The following SMURF2 variants were observed in gnomAD, a reference collection of about 807,000 sequenced individuals.
SMURF2 encodes the protein E3 ubiquitin-protein ligase SMURF2.
In SMURF2, 48 loss-of-function variants were observed where a neutral mutation model predicts 109.6. The observed-to-expected ratio is 0.44, with a 90% CI of 0.35 to 0.56. The LOEUF is 0.56. Ranked by LOEUF, SMURF2 falls within the 20% of genes least tolerant of loss-of-function variation. SMURF2 has a pLI of 0.01. For missense variants in SMURF2, 575 were observed against 909.0 expected, an observed-to-expected ratio of 0.63 and a Z score of 4.72; for synonymous variants, 288 against 317.1, an observed-to-expected ratio of 0.91 and a Z score of 0.97.
At chr17:64,616,217 T>C (rs1418556104) in intron 1 of SMURF2, among the ~76,000 whole-genome samples, 1 of 152,162 alleles carries the variant, frequency 6.6e-6, no homozygotes, top group Non-Finnish European at 1.5e-5. Flanking sequence ...AATATAAACA[T>C]ATTGGATAAC....
chr17:64,552,867 CT>C (rs1969065432), intron 15 of SMURF2, among the ~76,000 whole-genome samples: 1 of 152,052 alleles, frequency 6.6e-6, no homozygotes, highest in Non-Finnish European at 1.5e-5. Flanking sequence ...ACACGCTTAG[CT>C]AATTTTTGTA....
At chr17:64,650,347 GT>G (rs375725722) in intron 1 of SMURF2, among the ~76,000 whole-genome samples, 7,508 of 137,564 alleles carry the variant, frequency 0.055, 300 homozygotes, top group Admixed American at 0.15. Context: ...TTTGTTTTTT[GT>G]TTTTTTTTTT....
chr17:64,566,103 GA>G (rs1225392333), intron 10 of SMURF2, among the ~76,000 whole-genome samples: 7 of 150,788 alleles, frequency 4.6e-5, no homozygotes, highest in Non-Finnish European at 1.0e-4. Flanking sequence ...CTTGTCTAAA[GA>G]AAAACCCCCC....
chr17:64,614,844 T>A (rs1555689967), intron 1 of SMURF2, among the ~76,000 whole-genome samples: 1 of 152,216 alleles, frequency 6.6e-6, no homozygotes. Flanking sequence ...AGCTCACAGG[T>A]CAGGTATAAT....
At chr17:64,580,711 TCAAAA>T in intron 8 of SMURF2, 73 bp downstream of exon 8, 1 of 1,416,042 alleles carries the variant, frequency 7.1e-7, no homozygotes, top group Admixed American at 1.8e-5. Flanking sequence ...AATAACTTTT[TCAAAA>T]TATATTTTCT....
Position 64,543,674 on chromosome 17 carries a change from A to T in SMURF2, c.*2174T>A, listed in dbSNP as rs1555682833. 1.3e-5 allele frequency: 2 copies of T among 152,246 alleles called. No homozygotes were observed. Among genetic ancestry groups the T allele is most frequent in the African/African-American group, 4.8e-5 (2 of 41,472 alleles). 9.4% of individuals were successfully genotyped at this position (152,246 alleles called of 1,614,324 possible). A position where few individuals can be genotyped will look rare whatever the true frequency, so the allele number is the denominator to read the frequency against. On this transcript the variant is annotated 3_prime_UTR_variant, in exon 19 of 19. Coordinates refer to ENST00000262435, the MANE Select transcript of SMURF2 (RefSeq NM_022739.4). Reference sequence around the variant, plus strand: ...CTGCTTTATATTGTATATTAAAATAAGTGATAGTAGCATTTCATTATTACT... The same window carrying T: ...CTGCTTTATATTGTATATTAAAATATGTGATAGTAGCATTTCATTATTACT...
rs1351369741 is a variant in SMURF2 at position 64,610,490 on chromosome 17, A to G, written c.53-3850T>C. Among the ~76,000 whole-genome samples the G allele has an allele frequency of 2.0e-5, 3 of 152,218 alleles. No individual in the cohort carries two copies. The East Asian group carries it at 5.8e-4, about 29-fold the overall frequency. On this transcript the variant is annotated intron_variant, in intron 1 of 18. Coordinates refer to ENST00000262435, the MANE Select transcript of SMURF2 (RefSeq NM_022739.4). ...GATGAGGCCGGAAAGCATCATTCTC[A>G]GCAAACTAACACAAGAACAGAAAAC...
intron 1 of SMURF2, among the ~76,000 whole-genome samples, chr17:64,655,469 G>A (rs1195438908): frequency 2.0e-5 from 3 of 151,480 alleles, no homozygotes; most frequent in African/African-American, 7.3e-5. Context: ...TGTTGGCCAG[G>A]CTGGTCTCAA....
intron 5 of SMURF2, 79 bp from the exon 6 acceptor site, chr17:64,586,249 G>T: frequency 2.3e-6 from 2 of 869,362 alleles, no homozygotes; most frequent in Non-Finnish European, 3.6e-6. Context: ...ATCTTCAGAA[G>T]ACATCTGACT....
intron 9 of SMURF2, among the ~76,000 whole-genome samples, chr17:64,572,258 T>C (rs1455096804): frequency 2.6e-5 from 4 of 152,236 alleles, no homozygotes; most frequent in Non-Finnish European, 4.4e-5. Flanking sequence ...CAACATAAAC[T>C]GTATTTCAAC....
At chr17:64,620,116 A>ATC (rs1386253017) in intron 1 of SMURF2, among the ~76,000 whole-genome samples, 1 of 152,126 alleles carries the variant, frequency 6.6e-6, no homozygotes, top group African/African-American at 2.4e-5. Flanking sequence ...CAATGTCTTT[A>ATC]TCTCTCTTCC....
chr17:64,639,550 C>T (rs1190188118), intron 1 of SMURF2, among the ~76,000 whole-genome samples: 1 of 151,928 alleles, frequency 6.6e-6, no homozygotes, highest in Non-Finnish European at 1.5e-5. Flanking sequence ...GCACTCCAGT[C>T]TGGGCGACAG....
intron 16 of SMURF2, 113 bp downstream of exon 16, chr17:64,551,471 A>T: frequency 8.4e-7 from 1 of 1,189,732 alleles, no homozygotes; most frequent in Non-Finnish European, 1.2e-6. Flanking sequence ...TCAAGCATAG[A>T]ACCATGAAAC....
At chr17:64,621,751 G>A (rs1970205702) in intron 1 of SMURF2, among the ~76,000 whole-genome samples, 1 of 151,608 alleles carries the variant, frequency 6.6e-6, no homozygotes, top group South Asian at 2.1e-4. Context: ...GCACGTGCCT[G>A]TAATTCCAGC....
intron 1 of SMURF2, among the ~76,000 whole-genome samples, chr17:64,632,032 A>G (rs1343421517): frequency 7.8e-6 from 1 of 127,648 alleles, no homozygotes; most frequent in Non-Finnish European, 1.5e-5. Flanking sequence ...ATCTCGGCTC[A>G]CTGCCAACCT....
chr17:64,578,728 G>A (rs1969534982), intron 8 of SMURF2, 152 bp from the exon 9 acceptor site: 1 of 593,756 alleles, frequency 1.7e-6, no homozygotes, highest in South Asian at 2.3e-5. Flanking sequence ...CAAATCATTT[G>A]TTCTGTCTCT....
intron 1 of SMURF2, among the ~76,000 whole-genome samples, chr17:64,610,626 G>A (rs1555689471): frequency 6.6e-6 from 1 of 152,146 alleles, no homozygotes; most frequent in Non-Finnish European, 1.5e-5. Flanking sequence ...GGGTTAGGGA[G>A]GGATAGCATT....
At chr17:64,652,193 C>T (rs1970648595) in intron 1 of SMURF2, among the ~76,000 whole-genome samples, 1 of 152,046 alleles carries the variant, frequency 6.6e-6, no homozygotes, top group South Asian at 2.1e-4. Context: ...ACTACAGGGC[C>T]CAATCTAGGC....
chr17:64,578,050 G>A (rs145262989), intron 9 of SMURF2, among the ~76,000 whole-genome samples: 2,859 of 150,504 alleles, frequency 0.019, 36 homozygotes, highest in South Asian at 0.062. Flanking sequence ...GGGTTCAAGC[G>A]ATTCCCTGCC....
Sources: allele counts gnomAD v4.1 joint callset (sites outside exome capture counted in the v4.1 genomes callset), GRCh38; gene constraint gnomAD v4.1.1; transcripts MANE v1.5; gene names NCBI Gene and HGNC (gene_info 2026-07-23, HGNC 2026-07-21).